Variants in CEP250 observed in about 807,000 individuals in gnomAD.
The protein encoded by CEP250 is centrosome-associated protein CEP250.
CEP250 carries 242 observed loss-of-function variants against 315.7 expected under a neutral mutation model. The observed-to-expected ratio is 0.77, with a 90% CI of 0.69 to 0.85. The LOEUF (loss-of-function observed/expected upper bound fraction) is 0.85, where lower values mean the gene tolerates loss of function less well. Among genes scored for constraint, CEP250 ranks in the 40% least tolerant of loss-of-function variants. The pLI is 0.00. For synonymous variants in CEP250, 1,088 were observed against 1,175.0 expected (o/e 0.93, Z 1.51); for missense variants, 2,515 against 2,886.4 (o/e 0.87, Z 2.95).
chr20:35,498,753 A>C, intron 27 of CEP250, 37 bp downstream of exon 27: 1 of 1,525,454 alleles, frequency 6.6e-7, no homozygotes, highest in Non-Finnish European at 8.8e-7. Context: ...AACTCTTTAC[A>C]TCCCTGGAAA....
At chr20:35,461,214 TGA>T (rs2062747659) in intron 3 of CEP250, among the ~76,000 whole-genome samples, 1 of 152,174 alleles carries the variant, frequency 6.6e-6, no homozygotes, top group African/African-American at 2.4e-5. Flanking sequence ...GCCCTGCTGG[TGA>T]GAGTCTTAGG....
chr20:35,472,231 G>C, intron 11 of CEP250, 80 bp downstream of exon 11: 1 of 854,546 alleles, frequency 1.2e-6, no homozygotes, highest in South Asian at 1.4e-5. Flanking sequence ...GTCCTGCCTA[G>C]ATTTCCAGTC....
rs1367533270 is a variant in CEP250, at chr20:35,503,514, C to G, written c.5145C>G (p.Gly1715=). Residue 1715 remains glycine (G), a synonymous_variant, in exon 30 of 35, where the codon GGC becomes GGG. Coordinates refer to ENST00000397527, the MANE Select transcript of CEP250 (RefSeq NM_007186.6). The surrounding 1 kb of genome is among the most constrained non-coding windows in gnomAD (Gnocchi z 4.2). Reference sequence around the variant, plus strand: ...AGGAACGGGCAGAGGAAGGGAAGGGCCCAAGTAAAGCACAGCGCGGGAGCC... The same window carrying G: ...AGGAACGGGCAGAGGAAGGGAAGGGGCCAAGTAAAGCACAGCGCGGGAGCC... The part of the protein sequence containing the change: ...LMQERAEEGK[G]PSKAQRGSLE... The G allele has an allele frequency of 6.2e-7, 1 of 1,614,010 alleles. No individual in the cohort carries two copies. The highest frequency in any genetic ancestry group is 8.5e-7 in the Non-Finnish European group (1 of 1,179,996).
chr20:35,497,914 G>T lies in CEP250; in HGVS notation c.3502G>T (p.Ala1168Ser). ...STESQLEALAAEQQPGNQAQA... is the reference protein window; with the variant it reads ...STESQLEALASEQQPGNQAQA... ...AGAGAGCCAGCTAGAAGCGCTGGCCGCAGAGCAGCAGCCCGGGAACCAGGC... is the reference window on the plus strand; with the variant it reads ...AGAGAGCCAGCTAGAAGCGCTGGCCTCAGAGCAGCAGCCCGGGAACCAGGC... Residue 1168 changes from alanine to serine, a missense_variant, in exon 26 of 35, where the codon GCA becomes TCA. Transcript: ENST00000397527. 4 of 1,609,420 alleles carry T rather than the reference G, an allele frequency of 2.5e-6. No homozygotes were observed. The highest frequency in any genetic ancestry group is 3.4e-6 in the Non-Finnish European group (4 of 1,178,030).
At chr20:35,483,364 T>C (rs1280614521) in intron 20 of CEP250, among the ~76,000 whole-genome samples, 3 of 151,392 alleles carry the variant, frequency 2.0e-5, no homozygotes, top group African/African-American at 7.3e-5. Flanking sequence ...TTTTATTTTA[T>C]TTTTTAGAGA....
At chr20:35,467,672 T>C (rs537610460) in intron 9 of CEP250, 117 bp downstream of exon 9, 26 of 1,208,892 alleles carry the variant, frequency 2.2e-5, no homozygotes, top group Non-Finnish European at 3.0e-5. Flanking sequence ...GGGGAGAAGA[T>C]GTGCCCAAGG....
chr20:35,503,050 G>C lies in CEP250; in HGVS notation c.4681G>C (p.Glu1561Gln), dbSNP rs1283704245. ...GGTTACTCTGGAATGCCTGGCCCTG[G>C]AACTGGAGGAAAACCATCACAAGAT... ...QLVTLECLALELEENHHKMEC... is the reference protein window; with the variant it reads ...QLVTLECLALQLEENHHKMEC... The change falls in exon 30 of 35, where the codon GAA becomes CAA. Residue 1561 changes from glutamate (E) to glutamine (Q), a missense_variant. Transcript: ENST00000397527. This position sits in a 1 kb window ranked among gnomAD's most constrained non-coding sequence, Gnocchi z 4.2. 6.2e-7 allele frequency: 1 copy of C among 1,614,178 alleles called. No individual in the cohort carries two copies. The highest frequency in any genetic ancestry group is 8.5e-7 in the Non-Finnish European group (1 of 1,180,040).
chr20:35,491,154 C>G (rs41301827), intron 21 of CEP250, 58 bp from the exon 22 acceptor site: 1 of 1,581,954 alleles, frequency 6.3e-7, no homozygotes, highest in East Asian at 2.3e-5. Context: ...CTTGTGGCCT[C>G]GTTGGTGAGC....
chr20:35,465,243 A>G (rs1265701279), intron 5 of CEP250, among the ~76,000 whole-genome samples: 1 of 152,124 alleles, frequency 6.6e-6, no homozygotes, highest in African/African-American at 2.4e-5. Flanking sequence ...AACATGGCGA[A>G]ACCCCATCTC....
intron 34 of CEP250, among the ~76,000 whole-genome samples, chr20:35,510,284 A>G (rs1349869337): frequency 2.0e-5 from 3 of 152,216 alleles, no homozygotes; most frequent in African/African-American, 7.2e-5. Context: ...GGAAAGGAAT[A>G]GGAAGAGGGC....
chr20:35,468,402 T>C (rs994591937), intron 9 of CEP250, among the ~76,000 whole-genome samples: 3 of 152,150 alleles, frequency 2.0e-5, no homozygotes, highest in African/African-American at 4.8e-5. Flanking sequence ...TTTTACTTTT[T>C]GGATTATAAT....
At chr20:35,470,777 A>G (rs1191390282) in intron 10 of CEP250, among the ~76,000 whole-genome samples, 3 of 152,196 alleles carry the variant, frequency 2.0e-5, no homozygotes, top group Non-Finnish European at 2.9e-5. Context: ...GAGAGTTTAC[A>G]TATTTAATGT....
In CEP250 at chr20:35,479,084, G is replaced by A. The variant is rs2063261497; in HGVS notation, c.2095-147G>A. The stretch of plus-strand genomic sequence containing the variant: ...GCTCTGTGGGCGGATCAGGGAAATA[G>A]ATAAATGCCACGTGCTATTGGGTAA... On this transcript the variant is annotated intron_variant, in intron 17 of 34. Coordinates refer to ENST00000397527, the MANE Select transcript of CEP250 (RefSeq NM_007186.6). 15 of 726,240 alleles carry A rather than the reference G, an allele frequency of 2.1e-5. 1 individual carries two copies. In the South Asian group the frequency reaches 2.8e-4, roughly 14 times the overall value. 45.0% of individuals were successfully genotyped at this position (726,240 alleles called of 1,614,324 possible). A position where few individuals can be genotyped will look rare whatever the true frequency, so the allele number is the denominator to read the frequency against.
chr20:35,472,416 A>C (rs528155920), intron 11 of CEP250, among the ~76,000 whole-genome samples: 1 of 152,270 alleles, frequency 6.6e-6, no homozygotes, highest in South Asian at 2.1e-4. Context: ...TCAATATCTC[A>C]ATCGTTTCTT....
chr20:35,502,845 G>C lies in CEP250; in HGVS notation c.4476G>C (p.Leu1492=). The change falls in exon 30 of 35, where the codon CTG becomes CTC. Residue 1492 remains leucine, a synonymous_variant. Coordinates refer to ENST00000397527, the MANE Select transcript of CEP250 (RefSeq NM_007186.6). ...LEKCRSVLEH[L]PMAVQEREQK... is the part of the protein sequence containing the mutation. ...AGTGTAGGTCTGTTTTAGAGCATCT[G>C]CCCATGGCCGTCCAGGAGCGAGAGC... is the stretch of plus-strand genomic sequence containing the variant. 1 of 1,613,960 alleles carries C rather than the reference G, an allele frequency of 6.2e-7. No individual in the cohort carries two copies.
Position 35,480,089 on chromosome 20 carries a change from T to C in CEP250, c.2530T>C (p.Leu844=). 6.2e-7 allele frequency: 1 copy of C among 1,612,792 alleles called. No individual in the cohort carries two copies. The highest frequency in any genetic ancestry group is 8.5e-7 in the Non-Finnish European group (1 of 1,180,034). Residue 844 remains leucine, a synonymous_variant, in exon 20 of 35, where the codon TTG becomes CTG. Transcript: ENST00000397527. ...AQAEQEGKTA[L]EQQKAAHEKE... ...GGCTGAGCAAGAAGGGAAGACTGCC[T>C]TGGAGCAGCAGAAGGCAGCCCATGA...
intron 10 of CEP250, among the ~76,000 whole-genome samples, 189 bp from the exon 11 acceptor site, chr20:35,471,861 A>C (rs1321827582): frequency 1.3e-5 from 2 of 152,244 alleles, no homozygotes; most frequent in Admixed American, 1.3e-4. Flanking sequence ...TAATCACTTA[A>C]TCTAAACTTG....
intron 9 of CEP250, among the ~76,000 whole-genome samples, chr20:35,468,698 CAG>C (rs1350764842): frequency 2.0e-5 from 3 of 152,134 alleles, no homozygotes; most frequent in Admixed American, 1.3e-4. Flanking sequence ...TTTTTTGAGA[CAG>C]AGTCTAGCTC....
Position 35,491,652 on chromosome 20 carries a change from C to T in CEP250, c.2889+306C>T, listed in dbSNP as rs530578718. On this transcript the variant is annotated intron_variant, in intron 22 of 34. Transcript: ENST00000397527. The stretch of plus-strand genomic sequence containing the variant: ...GCATGGTGGCAGGCCCCTGTAATCC[C>T]AGCACATTGGGAGGCTGAGGCGGAC... Among the ~76,000 whole-genome samples, 112 of 152,230 alleles carry T rather than the reference C, an allele frequency of 7.4e-4. 2 individuals carry two copies. The South Asian group carries it at 0.01, about 14-fold the overall frequency.
Sources: gnomAD v4.1 joint callset for allele counts (sites outside exome capture counted in the v4.1 genomes callset) on GRCh38, gnomAD v4.1.1 for gene constraint, Gnocchi (gnomAD v3.1) non-coding constraint, MANE v1.5 for transcripts, NCBI Gene and HGNC (gene_info 2026-07-23, HGNC 2026-07-21) for gene names.